Variants in PDZRN4 observed in about 807,000 individuals in gnomAD.
PDZRN4 encodes PDZ domain containing ring finger 4, also known as PDZ domain-containing RING finger protein 4.
PDZRN4 carries 70 observed loss-of-function variants against 99.0 expected under a neutral mutation model. The observed-to-expected ratio is 0.71, with a 90% CI of 0.58 to 0.86. PDZRN4 has a LOEUF of 0.86. Ranked by LOEUF, PDZRN4 falls within the 40% of genes least tolerant of loss-of-function variation. The pLI, the probability that PDZRN4 is intolerant of heterozygous loss-of-function variation, is 0.00. For missense variants in PDZRN4, 1,474 were observed against 1,331.2 expected (o/e 1.11, Z -1.67); for synonymous variants, 551 against 501.6 (o/e 1.10, Z -1.32).
intron 3 of PDZRN4, among the ~76,000 whole-genome samples, chr12:41,299,363 T>C (rs1434894714): frequency 1.3e-5 from 2 of 152,122 alleles, no homozygotes; most frequent in East Asian, 3.8e-4. Context: ...TTCCTCTCTT[T>C]TGTAATCCAA....
At chr12:41,434,188 C>G (rs1037932307) in intron 3 of PDZRN4, among the ~76,000 whole-genome samples, 2 of 152,106 alleles carry the variant, frequency 1.3e-5, no homozygotes, top group Non-Finnish European at 2.9e-5. Context: ...CTCTTTTTAT[C>G]TCTGAAACTG....
intron 3 of PDZRN4, among the ~76,000 whole-genome samples, chr12:41,454,889 C>T (rs1314643527): frequency 3.9e-5 from 6 of 152,182 alleles, no homozygotes; most frequent in African/African-American, 1.4e-4. Flanking sequence ...ATATTTGTTC[C>T]ATCAAGTACA....
At chr12:41,436,943 G>A (rs1478544426) in intron 3 of PDZRN4, among the ~76,000 whole-genome samples, 1 of 152,010 alleles carries the variant, frequency 6.6e-6, no homozygotes, top group Non-Finnish European at 1.5e-5. Context: ...AATACTATAA[G>A]CATTTGAAAT....
rs1296413340 is a variant in PDZRN4, at chr12:41,324,996, C to G, written c.843+130808C>G. Among the ~76,000 whole-genome samples the G allele has an allele frequency of 3.3e-5, 5 of 152,154 alleles. No homozygotes were observed. In the East Asian group the frequency reaches 7.7e-4, roughly 24 times the overall value. On this transcript the variant is annotated intron_variant, in intron 3 of 9. Transcript: ENST00000402685. Reference sequence around the variant, plus strand: ...CTCACATTATATTGCTATTAGATAGCATGGGTCTAGATACCTCCAGTCTAT... The same window carrying G: ...CTCACATTATATTGCTATTAGATAGGATGGGTCTAGATACCTCCAGTCTAT...
At chr12:41,433,044 G>T (rs1051367264) in intron 3 of PDZRN4, among the ~76,000 whole-genome samples, 1 of 152,174 alleles carries the variant, frequency 6.6e-6, no homozygotes, top group Non-Finnish European at 1.5e-5. Flanking sequence ...CCTAATTACT[G>T]ATTATTGTGG....
intron 3 of PDZRN4, among the ~76,000 whole-genome samples, chr12:41,283,099 A>G (rs1180487327): frequency 3.3e-5 from 5 of 152,080 alleles, no homozygotes; most frequent in Non-Finnish European, 7.4e-5. Context: ...GTTTTTTTTA[A>G]AAGATTAACA....
At chr12:41,230,919 C>A (rs900734281) in intron 3 of PDZRN4, among the ~76,000 whole-genome samples, 3 of 152,006 alleles carry the variant, frequency 2.0e-5, no homozygotes, top group Non-Finnish European at 4.4e-5. Flanking sequence ...CAGTCACATT[C>A]AAAAATAACA....
intron 3 of PDZRN4, among the ~76,000 whole-genome samples, chr12:41,296,108 A>T (rs73122844): frequency 0.076 from 11,551 of 152,240 alleles, 899 homozygotes; most frequent in African/African-American, 0.2. Flanking sequence ...GGCTAAAAAA[A>T]GTTGAGCAAA....
intron 5 of PDZRN4, among the ~76,000 whole-genome samples, chr12:41,550,411 C>T (rs1939032444): frequency 6.6e-6 from 1 of 152,268 alleles, no homozygotes; most frequent in Admixed American, 6.5e-5. Flanking sequence ...TACCTTGTTG[C>T]TGTAATTGAA....
At chr12:41,361,950 G>C (rs1951966252) in intron 3 of PDZRN4, among the ~76,000 whole-genome samples, 1 of 152,026 alleles carries the variant, frequency 6.6e-6, no homozygotes, top group Non-Finnish European at 1.5e-5. Flanking sequence ...ACGTGACATT[G>C]AGATGGATGA....
intron 3 of PDZRN4, among the ~76,000 whole-genome samples, chr12:41,374,322 G>A (rs1032270793): frequency 6.6e-6 from 1 of 152,114 alleles, no homozygotes; most frequent in Non-Finnish European, 1.5e-5. Flanking sequence ...GTAAAGGTAA[G>A]TCATTTTTCT....
intron 3 of PDZRN4, among the ~76,000 whole-genome samples, chr12:41,248,932 C>A (rs978777746): frequency 4.6e-5 from 7 of 151,884 alleles, no homozygotes; most frequent in Admixed American, 2.6e-4. Flanking sequence ...TTGGTAATAA[C>A]CAGAAAGCAT....
rs189598069 is a variant in PDZRN4 at position 41,230,713 on chromosome 12, C to T, written c.843+36525C>T. Among the ~76,000 whole-genome samples the T allele has an allele frequency of 4.9e-4, 75 of 152,064 alleles. 1 individual carries two copies. The highest frequency in any genetic ancestry group is 1.4e-3 in the Admixed American group (21 of 15,228). On this transcript the variant is annotated intron_variant, in intron 3 of 9. Coordinates refer to ENST00000402685, the MANE Select transcript of PDZRN4 (RefSeq NM_001164595.2). ...ATCACTGCACTTGAAAATTTTTCGT[C>T]TTTTTTGAAGTCATTTGTTATTCTT...
intron 5 of PDZRN4, among the ~76,000 whole-genome samples, chr12:41,530,800 G>A (rs138853539): frequency 6.6e-6 from 1 of 152,192 alleles, no homozygotes; most frequent in East Asian, 1.9e-4. Flanking sequence ...TTCTCCAGTT[G>A]GTTTAAAATC....
intron 3 of PDZRN4, among the ~76,000 whole-genome samples, chr12:41,461,852 T>C (rs984474035): frequency 6.6e-6 from 1 of 152,130 alleles, no homozygotes; most frequent in African/African-American, 2.4e-5. Flanking sequence ...ATTGAGTGCA[T>C]GCCTGTCTTT....
Position 41,555,622 on chromosome 12 carries a change from A to C in PDZRN4, c.1303-76A>C, listed in dbSNP as rs1028892453. The C allele has an allele frequency of 6.2e-6, 7 of 1,126,362 alleles. No homozygotes were observed. In the African/African-American group the frequency reaches 7.7e-5, roughly 12 times the overall value. The allele number at this position is 1,126,362 out of a possible 1,614,324, so 69.8% of individuals were successfully genotyped here. The stretch of plus-strand genomic sequence containing the variant: ...TTTTGAAACAGCTTTTTCAAAATAT[A>C]TTTTAAAGCCATATTTTTAAGTTCT... On this transcript the variant is annotated intron_variant, in intron 6 of 9. Coordinates refer to ENST00000402685, the MANE Select transcript of PDZRN4 (RefSeq NM_001164595.2).
chr12:41,290,528 C>T (rs543636293), intron 3 of PDZRN4, among the ~76,000 whole-genome samples: 2 of 152,146 alleles, frequency 1.3e-5, no homozygotes, highest in Non-Finnish European at 2.9e-5. Context: ...GAAAATTATA[C>T]ATCTTCATAC....
intron 3 of PDZRN4, among the ~76,000 whole-genome samples, chr12:41,330,092 G>T (rs911271041): frequency 6.6e-6 from 1 of 152,044 alleles, no homozygotes; most frequent in African/African-American, 2.4e-5. Context: ...CCATAACAAT[G>T]AATAATTTAG....
intron 3 of PDZRN4, among the ~76,000 whole-genome samples, chr12:41,431,187 T>A (rs532194785): frequency 6.6e-6 from 1 of 152,292 alleles, no homozygotes; most frequent in African/African-American, 2.4e-5. Flanking sequence ...AAGTCATCAT[T>A]ATCATTATAC....
Sources: gnomAD v4.1 joint callset for allele counts (sites outside exome capture counted in the v4.1 genomes callset) on GRCh38, gnomAD v4.1.1 for gene constraint, MANE v1.5 for transcripts, NCBI Gene and HGNC (gene_info 2026-07-23, HGNC 2026-07-21) for gene names.